KDM1A: variants seen among roughly 807,000 people sequenced by gnomAD.
KDM1A encodes the protein lysine demethylase 1A.
Under a neutral mutation model 109.4 loss-of-function variants are expected in KDM1A, and 49 were observed. The ratio of observed to expected loss-of-function variants is 0.45; its 90% CI spans 0.36 to 0.57. The LOEUF (loss-of-function observed/expected upper bound fraction) is 0.57. Ranked by LOEUF, KDM1A falls within the 20% of genes least tolerant of loss-of-function variation. The pLI, the probability that KDM1A is intolerant of heterozygous loss-of-function variation, is 0.00. For missense variants in KDM1A, 668 were observed against 1,116.6 expected, an observed-to-expected ratio of 0.60 and a Z score of 5.73; for synonymous variants, 380 against 415.4, an observed-to-expected ratio of 0.91 and a Z score of 1.04.
intron 10 of KDM1A, among the ~76,000 whole-genome samples, chr1:23,068,208 CAACTT>C (rs1643209038): frequency 6.6e-6 from 1 of 152,124 alleles, no homozygotes; most frequent in African/African-American, 2.4e-5. Context: ...TCAGCCAGCT[CAACTT>C]AATGCATGTC....
intron 3 of KDM1A, among the ~76,000 whole-genome samples, chr1:23,045,961 G>A (rs1438865915): frequency 6.6e-6 from 1 of 152,162 alleles, no homozygotes; most frequent in Non-Finnish European, 1.5e-5. Flanking sequence ...TGACCCTCAT[G>A]GGTATCTTGG....
At chr1:23,071,081 A>G in intron 12 of KDM1A, 144 bp from the exon 13 acceptor site, 1 of 634,602 alleles carries the variant, frequency 1.6e-6, no homozygotes, top group Non-Finnish European at 2.7e-6. Context: ...AGGTTAGAAC[A>G]AGTACTTAAG....
chr1:23,074,743 T>C (rs1233094543), intron 15 of KDM1A, among the ~76,000 whole-genome samples: 11 of 152,342 alleles, frequency 7.2e-5, no homozygotes, highest in African/African-American at 2.6e-4. Context: ...TAAGGAAAGG[T>C]AAGTGAAGGG....
At chr1:23,051,277 T>C (rs1223025110) in intron 4 of KDM1A, among the ~76,000 whole-genome samples, 1 of 152,224 alleles carries the variant, frequency 6.6e-6, no homozygotes, top group Non-Finnish European at 1.5e-5. Flanking sequence ...GCTGGACATT[T>C]GTTGCCGATT....
At chr1:23,081,996 G>GGTCGCCGTATCATTAAAAAAAAAAA in intron 19 of KDM1A, 3 of 512,972 alleles carry the variant, frequency 5.8e-6, no homozygotes, top group Non-Finnish European at 1.0e-5. Flanking sequence ...GTAGATCTCT[G>GGTCGCCGTATCATTAAAAAAAAAAA]GATTCATAGA....
At chr1:23,035,514 A>G (rs1557515332) in intron 2 of KDM1A, among the ~76,000 whole-genome samples, 1 of 152,172 alleles carries the variant, frequency 6.6e-6, no homozygotes, top group Non-Finnish European at 1.5e-5. Context: ...GCTGTTAGAT[A>G]AATTAACAAA....
At chr1:23,072,225 A>C in intron 14 of KDM1A, 28 bp downstream of exon 14, 1 of 1,518,260 alleles carries the variant, frequency 6.6e-7, no homozygotes, top group Non-Finnish European at 9.1e-7. Flanking sequence ...AAAAGTTCAG[A>C]GGGAGAGCTT....
At position 23,079,258 on chromosome 1, in the gene KDM1A, C is replaced by G. The variant is rs1183839089; in HGVS notation, c.2055+81C>G. 4 of 1,467,136 alleles carry G rather than the reference C, an allele frequency of 2.7e-6. No individual in the cohort carries two copies. Among genetic ancestry groups the G allele is most frequent in the Non-Finnish European group, 3.7e-6 (4 of 1,080,980 alleles). 90.9% of individuals were successfully genotyped at this position (1,467,136 alleles called of 1,614,324 possible). On this transcript the variant is annotated intron_variant, in intron 17 of 20. Transcript: ENST00000400181. The surrounding 1 kb of genome is among the most constrained non-coding windows in gnomAD (Gnocchi z 5.6). The stretch of plus-strand genomic sequence containing the variant: ...GTTGTTTACTTGGTGAGGAGGTGGC[C>G]TTGCATTTTTGGGCATTTGGCTATG...
chr1:23,042,687 C>A (rs1452903981), intron 2 of KDM1A, among the ~76,000 whole-genome samples: 1 of 150,980 alleles, frequency 6.6e-6, no homozygotes, highest in Non-Finnish European at 1.5e-5. Context: ...CTCCTGACCT[C>A]GTGATCCGCC....
Position 23,040,978 on chromosome 1 carries a change from C to T in KDM1A, c.518-3449C>T, listed in dbSNP as rs531331140. The stretch of plus-strand genomic sequence containing the variant: ...ATTTGCACTCATGGAAAGCTAACAG[C>T]GCTACTTGCCTGCTGTTAATGTGTC... On this transcript the variant is annotated intron_variant, in intron 2 of 20. Coordinates refer to ENST00000400181, the MANE Select transcript of KDM1A (RefSeq NM_001009999.3). Among the ~76,000 whole-genome samples, 679 of 152,152 alleles carry T rather than the reference C, an allele frequency of 4.5e-3. 7 individuals carry two copies. The highest frequency in any genetic ancestry group is 6.0e-3 in the Non-Finnish European group (410 of 67,976).
Position 23,079,987 on chromosome 1 carries a change from G to A in KDM1A, c.2170+320G>A, listed in dbSNP as rs891236081. 2.0e-5 allele frequency among the ~76,000 whole-genome samples: 3 copies of A among 152,100 alleles called. No homozygotes were observed. The highest frequency in any genetic ancestry group is 2.9e-5 in the Non-Finnish European group (2 of 68,004). On this transcript the variant is annotated intron_variant, in intron 18 of 20. Coordinates refer to ENST00000400181, the MANE Select transcript of KDM1A (RefSeq NM_001009999.3). This position sits in a 1 kb window ranked among gnomAD's most constrained non-coding sequence, Gnocchi z 5.6. ...AGGCTTCCTACCAGGGGAAGCTTGCGTTCTCATTCTCAGACTGACTTGCCC... is the reference window on the plus strand; with the variant it reads ...AGGCTTCCTACCAGGGGAAGCTTGCATTCTCATTCTCAGACTGACTTGCCC...
chr1:23,066,146 CT>C (rs1269411377), intron 10 of KDM1A, 75 bp downstream of exon 10: 1 of 1,015,734 alleles, frequency 9.8e-7, no homozygotes, highest in African/African-American at 1.6e-5. Context: ...AAACCTAAAT[CT>C]TTTCCTTTCA....
chr1:23,022,849 G>A (rs1641681904), intron 1 of KDM1A, among the ~76,000 whole-genome samples: 1 of 151,434 alleles, frequency 6.6e-6, no homozygotes. Context: ...AGTAGAGACA[G>A]GGTTTCACCA....
intron 15 of KDM1A, among the ~76,000 whole-genome samples, chr1:23,074,749 A>G (rs1643415777): frequency 6.6e-6 from 1 of 152,184 alleles, no homozygotes; most frequent in East Asian, 1.9e-4. Context: ...AAGGTAAGTG[A>G]AGGGTTCATG....
In KDM1A at chr1:23,068,616, A is replaced by G. The variant is rs781008658; in HGVS notation, c.1257A>G (p.Gln419=). 2.7e-5 allele frequency: 44 copies of G among 1,605,200 alleles called. No homozygotes were observed. The highest frequency in any genetic ancestry group is 3.3e-5 in the Non-Finnish European group (39 of 1,178,138). ...AAGCTACATCTTACCTTAGTCATCA[A>G]CTAGACTTCAATGTCCTCAATAATA... is the stretch of plus-strand genomic sequence containing the variant. The part of the protein sequence containing the change: ...LLEATSYLSH[Q]LDFNVLNNKP... The change falls in exon 11 of 21, where the codon CAA becomes CAG. Residue 419 remains glutamine (Q), a synonymous_variant. Transcript: ENST00000400181.
At chr1:23,045,671 G>T (rs78719360) in intron 3 of KDM1A, among the ~76,000 whole-genome samples, 3 of 147,124 alleles carry the variant, frequency 2.0e-5, no homozygotes, top group South Asian at 2.2e-4. Flanking sequence ...TTTTGTTTCT[G>T]TTTTTTTTTT....
intron 14 of KDM1A, among the ~76,000 whole-genome samples, chr1:23,072,767 T>C (rs1281550867): frequency 6.6e-6 from 1 of 152,174 alleles, no homozygotes; most frequent in Non-Finnish European, 1.5e-5. Context: ...TGCCTCAGCC[T>C]CCTGAGTAGC....
chr1:23,056,158 C>CA (rs1642824598), intron 7 of KDM1A, 120 bp downstream of exon 7: 1 of 635,310 alleles, frequency 1.6e-6, no homozygotes, highest in Non-Finnish European at 2.7e-6. Context: ...GTATAATACT[C>CA]AGAGTATTTT....
rs763888808 is a variant in KDM1A at position 23,056,046 on chromosome 1, T to A, written c.990+8T>A. Reference sequence around the variant, plus strand: ...ACACTTTTGGAAGCCAGGGTAAGAATTTCATTTTGAGTTTAGAGGCTTGAC... The same window carrying A: ...ACACTTTTGGAAGCCAGGGTAAGAAATTCATTTTGAGTTTAGAGGCTTGAC... On this transcript the variant is annotated splice_region_variant and intron_variant, in intron 7 of 20. Transcript: ENST00000400181. 2.1e-5 allele frequency: 33 copies of A among 1,591,734 alleles called. No individual in the cohort carries two copies. The highest frequency in any genetic ancestry group is 8.6e-7 in the Non-Finnish European group (1 of 1,160,350).
Sources: gnomAD v4.1 joint callset for allele counts (sites outside exome capture counted in the v4.1 genomes callset) on GRCh38, gnomAD v4.1.1 for gene constraint, Gnocchi (gnomAD v3.1) non-coding constraint, MANE v1.5 for transcripts, NCBI Gene and HGNC (gene_info 2026-07-23, HGNC 2026-07-21) for gene names.